The following SYN3 variants were observed in gnomAD, a reference collection of about 807,000 sequenced individuals.
SYN3 encodes synapsin III.
In SYN3, 35 loss-of-function variants were observed where a neutral mutation model predicts 65.8. The ratio of observed to expected loss-of-function variants is 0.53; its 90% CI spans 0.41 to 0.70. The LOEUF (loss-of-function observed/expected upper bound fraction) is 0.70. Among genes scored for constraint, SYN3 ranks in the 30% least tolerant of loss-of-function variants. The probability of loss-of-function intolerance (pLI) is 0.00; values close to 1 mark genes in which losing one functional copy is unlikely to be tolerated. For missense variants in SYN3, 680 were observed against 749.0 expected (o/e 0.91, Z 1.08); for synonymous variants, 270 against 292.9 (o/e 0.92, Z 0.80).
chr22:32,640,424 A>G (rs2146876554), intron 6 of SYN3, among the ~76,000 whole-genome samples: 1 of 152,318 alleles, frequency 6.6e-6, no homozygotes, highest in East Asian at 1.9e-4. Flanking sequence ...TCCTTGAGAG[A>G]TGACTTTAAG....
intron 6 of SYN3, among the ~76,000 whole-genome samples, chr22:32,753,796 A>G (rs2045211335): frequency 6.6e-6 from 1 of 152,152 alleles, no homozygotes; most frequent in Non-Finnish European, 1.5e-5. Flanking sequence ...GAAGCCAATG[A>G]GAGAGCCAGG....
rs528181646 is a variant in SYN3 at position 32,507,934 on chromosome 22, C to T, written c.*5758G>A. Among the ~76,000 whole-genome samples, 175 of 152,076 alleles carry T rather than the reference C, an allele frequency of 1.2e-3. 1 individual carries two copies. The highest frequency in any genetic ancestry group is 6.8e-3 in the Middle Eastern group (2 of 294). Reference sequence around the variant, plus strand: ...TCTCTCCCACTCTAGGTTCCCACGCCGCCCCTAATCCCACTCGAAGCAGCC... The same window carrying T: ...TCTCTCCCACTCTAGGTTCCCACGCTGCCCCTAATCCCACTCGAAGCAGCC... On this transcript the variant is annotated 3_prime_UTR_variant, in exon 14 of 14. Coordinates refer to ENST00000358763, the MANE Select transcript of SYN3 (RefSeq NM_003490.4).
chr22:32,930,370 C>T (rs1170480315), intron 4 of SYN3, among the ~76,000 whole-genome samples: 1 of 152,192 alleles, frequency 6.6e-6, no homozygotes, highest in Non-Finnish European at 1.5e-5. Flanking sequence ...ATATGCCTTT[C>T]ACCTTCCACC....
chr22:32,942,735 T>G (rs2050978804), intron 3 of SYN3, among the ~76,000 whole-genome samples: 1 of 152,134 alleles, frequency 6.6e-6, no homozygotes, highest in Admixed American at 6.5e-5. Flanking sequence ...ATAACCAGTG[T>G]AGAGAAGTCC....
At chr22:32,736,262 C>T (rs887972385) in intron 6 of SYN3, among the ~76,000 whole-genome samples, 4 of 152,176 alleles carry the variant, frequency 2.6e-5, no homozygotes, top group African/African-American at 9.7e-5. Flanking sequence ...CTGTAGTCAT[C>T]CCAGATCCCA....
chr22:32,807,375 TATA>T lies in SYN3; in HGVS notation c.711+57537_711+57539del, dbSNP rs1426867356. On this transcript the variant is annotated intron_variant, in intron 6 of 13. Coordinates refer to ENST00000358763, the MANE Select transcript of SYN3 (RefSeq NM_003490.4). ...TATATAATATATAATATATATTATA[TATA>T]ATATATATTATATATAATATATATA... Among the ~76,000 whole-genome samples, 890 of 113,250 alleles carry T rather than the reference TATA, an allele frequency of 7.9e-3. 17 individuals are homozygous for T. The highest frequency in any genetic ancestry group is 0.031 in the African/African-American group (850 of 27,168). The allele number at this position is 113,250 out of a possible 152,430, so 74.3% of individuals were successfully genotyped here.
chr22:32,778,001 T>C (rs2045949055), intron 6 of SYN3, among the ~76,000 whole-genome samples: 1 of 152,198 alleles, frequency 6.6e-6, no homozygotes, highest in Non-Finnish European at 1.5e-5. Flanking sequence ...CACTACATTA[T>C]TGCTAAGGAG....
chr22:32,518,237 C>T lies in SYN3; in HGVS notation c.1416G>A (p.Gln472=), dbSNP rs1252656597. 6.2e-7 allele frequency: 1 copy of T among 1,613,524 alleles called. No individual in the cohort carries two copies. The highest frequency in any genetic ancestry group is 8.5e-7 in the Non-Finnish European group (1 of 1,179,808). Residue 472 remains glutamine, a synonymous_variant, in exon 13 of 14, where the codon CAG becomes CAA. Coordinates refer to ENST00000358763, the MANE Select transcript of SYN3 (RefSeq NM_003490.4). ...SPQGQQPLSP[Q]SGSPQQQRSP... is the part of the protein sequence containing the mutation. ...ACCTTTGCTGCTGTGGAGATCCGGA[C>T]TGGGGGCTCAGGGGCTGCTGGCCTT...
rs886625661 is a variant in SYN3, at chr22:32,887,962, C to T, written c.462-18837G>A. ...AAGAGGCTGCACCACGTCACATCCC[C>T]ACCAGCAATGTAGGAAAGTTAGTTA... On this transcript the variant is annotated intron_variant, in intron 4 of 13. Coordinates refer to ENST00000358763, the MANE Select transcript of SYN3 (RefSeq NM_003490.4). Among the ~76,000 whole-genome samples, 5 of 152,182 alleles carry T rather than the reference C, an allele frequency of 3.3e-5. No homozygotes were observed. The East Asian group carries it at 9.7e-4, about 29-fold the overall frequency.
Position 32,777,264 on chromosome 22 carries a change from C to T in SYN3, c.711+87651G>A, listed in dbSNP as rs369134591. 5.3e-5 allele frequency among the ~76,000 whole-genome samples: 8 copies of T among 152,188 alleles called. No individual in the cohort carries two copies. In the South Asian group the frequency reaches 8.3e-4, roughly 16 times the overall value. Reference sequence around the variant, plus strand: ...GTCCCAGCTGTGGGTCTCGGTATTCCCAGCTCCCCATTCATCTCAGGCAGC... The same window carrying T: ...GTCCCAGCTGTGGGTCTCGGTATTCTCAGCTCCCCATTCATCTCAGGCAGC... On this transcript the variant is annotated intron_variant, in intron 6 of 13. Coordinates refer to ENST00000358763, the MANE Select transcript of SYN3 (RefSeq NM_003490.4).
chr22:32,995,499 C>T (rs894061395), intron 2 of SYN3, among the ~76,000 whole-genome samples: 1 of 152,202 alleles, frequency 6.6e-6, no homozygotes, highest in African/African-American at 2.4e-5. Context: ...CAAGCCACTG[C>T]TGGTTGTGCC....
chr22:32,725,389 T>C (rs1439873913), intron 6 of SYN3, among the ~76,000 whole-genome samples: 1 of 152,122 alleles, frequency 6.6e-6, no homozygotes, highest in Non-Finnish European at 1.5e-5. Flanking sequence ...AACTTTTGCT[T>C]TCAGTCTTTA....
At chr22:32,930,226 T>C (rs2050589042) in intron 4 of SYN3, among the ~76,000 whole-genome samples, 1 of 152,012 alleles carries the variant, frequency 6.6e-6, no homozygotes, top group South Asian at 2.1e-4. Context: ...TGGTGGGAGG[T>C]AATTGAATCA....
At chr22:32,684,356 T>C (rs931807114) in intron 6 of SYN3, among the ~76,000 whole-genome samples, 1 of 152,178 alleles carries the variant, frequency 6.6e-6, no homozygotes, top group Admixed American at 6.5e-5. Flanking sequence ...GATGACATCA[T>C]TTCAGGTCCT....
chr22:32,872,494 G>A (rs1434793030), intron 4 of SYN3, among the ~76,000 whole-genome samples: 1 of 152,066 alleles, frequency 6.6e-6, no homozygotes, highest in East Asian at 1.9e-4. Flanking sequence ...AATTCAAGGT[G>A]GCCACCATGA....
At chr22:32,951,167 A>G (rs1320177007) in intron 3 of SYN3, among the ~76,000 whole-genome samples, 2 of 152,190 alleles carry the variant, frequency 1.3e-5, no homozygotes, top group Admixed American at 6.5e-5. Flanking sequence ...AAGGTCTCAC[A>G]TGATTTACTC....
chr22:32,688,437 T>A (rs1348729172), intron 6 of SYN3, among the ~76,000 whole-genome samples: 8 of 152,138 alleles, frequency 5.3e-5, no homozygotes, highest in Admixed American at 3.3e-4. Context: ...TGGGTTAATA[T>A]CTGGGGGAAA....
At chr22:32,962,995 G>A (rs241763) in intron 3 of SYN3, among the ~76,000 whole-genome samples, 46,181 of 149,638 alleles carry the variant, frequency 0.31, 7,917 homozygotes, top group East Asian at 0.75. Context: ...GTATATGTAT[G>A]TATATGTATA....
chr22:32,667,821 G>A (rs9621526), intron 6 of SYN3, among the ~76,000 whole-genome samples: 2 of 145,790 alleles, frequency 1.4e-5, no homozygotes, highest in African/African-American at 2.6e-5. Context: ...TTTTTGAGAC[G>A]GAGTGTCGCT....
Sources: allele counts gnomAD v4.1 joint callset (sites outside exome capture counted in the v4.1 genomes callset), GRCh38; gene constraint gnomAD v4.1.1; transcripts MANE v1.5; gene names NCBI Gene and HGNC (gene_info 2026-07-23, HGNC 2026-07-21).